Variants in PPAT observed in about 807,000 individuals in gnomAD.
The protein encoded by PPAT is phosphoribosyl pyrophosphate amidotransferase, also known as amidophosphoribosyltransferase.
Under a neutral mutation model 60.2 loss-of-function variants are expected in PPAT, and 20 were observed. The observed-to-expected ratio is 0.33, with a 90% CI of 0.23 to 0.48. PPAT has a LOEUF of 0.48. Among genes scored for constraint, PPAT ranks in the 20% least tolerant of loss-of-function variants. The pLI is 0.99. For missense variants in PPAT, 349 were observed against 629.6 expected (o/e 0.55, Z 4.77); for synonymous variants, 194 against 215.1 (o/e 0.90, Z 0.86).
chr4:56,430,971 A>C (rs1351804617), intron 1 of PPAT, among the ~76,000 whole-genome samples: 1 of 152,106 alleles, frequency 6.6e-6, no homozygotes, highest in Admixed American at 6.5e-5. Context: ...ATTCTGCTTC[A>C]GACTAATGCA....
At chr4:56,405,378 C>A (rs1194097883) in intron 3 of PPAT, among the ~76,000 whole-genome samples, 4 of 152,046 alleles carry the variant, frequency 2.6e-5, no homozygotes, top group Non-Finnish European at 5.9e-5. Context: ...CTCCTAAAAC[C>A]CTTAGAATTG....
intron 1 of PPAT, chr4:56,422,572 T>G (rs1034572564): frequency 6.6e-6 from 1 of 151,560 alleles, no homozygotes; most frequent in African/African-American, 2.4e-5. Flanking sequence ...CTGAACTGTG[T>G]TCCTCCCACC....
chr4:56,419,675 T>C, intron 1 of PPAT: 2 of 983,884 alleles, frequency 2.0e-6, no homozygotes, highest in Non-Finnish European at 2.4e-6. Context: ...CTGTAGCAAA[T>C]GAAGGAGGAA....
chr4:56,420,821 A>T (rs972606773), intron 1 of PPAT: 1 of 152,236 alleles, frequency 6.6e-6, no homozygotes, highest in African/African-American at 2.4e-5. Flanking sequence ...TATTTAAACC[A>T]AAGGATTGAG....
intron 1 of PPAT, among the ~76,000 whole-genome samples, chr4:56,431,803 A>T (rs1439480406): frequency 6.6e-6 from 1 of 152,196 alleles, no homozygotes; most frequent in African/African-American, 2.4e-5. Context: ...TTATTCTAAG[A>T]AGGGGTGTCT....
At position 56,402,115 on chromosome 4, in the gene PPAT, C is replaced by T; in HGVS notation, c.728G>A (p.Gly243Asp). The change falls in exon 6 of 11, where the codon GGT becomes GAT. Residue 243 changes from glycine (G) to aspartate (D), a missense_variant. By Grantham distance (94) the Gly-to-Asp change is moderately conservative (BLOSUM62 -1). Around this residue, in one of 5 missense-constraint regions of PPAT, gnomAD observed 167 missense variants for 328.6 expected, o/e 0.51. Transcript: ENST00000264220. The stretch of plus-strand genomic sequence containing the variant: ...CAAACAAGGTAAAACTTACCTTGCA[C>T]CAATAGATAAGAAGCTACAAGATTC... ...SSESCSFLSIGARYYREVLPG... is the reference protein window; with the variant it reads ...SSESCSFLSIDARYYREVLPG... The T allele has an allele frequency of 3.1e-6, 5 of 1,594,866 alleles. No homozygotes were observed. Among genetic ancestry groups the T allele is most frequent in the Non-Finnish European group, 4.3e-6 (5 of 1,165,784 alleles).
At chr4:56,410,342 T>C (rs1716384836) in intron 1 of PPAT, among the ~76,000 whole-genome samples, 1 of 152,232 alleles carries the variant, frequency 6.6e-6, no homozygotes, top group South Asian at 2.1e-4. Context: ...CCAGGCTTCT[T>C]TAATCACAAA....
In PPAT at chr4:56,428,751, T is replaced by C. The variant is rs527770632; in HGVS notation, c.128+6599A>G. 4.3e-4 allele frequency among the ~76,000 whole-genome samples: 66 copies of C among 152,300 alleles called. 1 individual carries two copies. Among genetic ancestry groups the C allele is most frequent in the African/African-American group, 1.6e-3 (65 of 41,564 alleles). ...ACCCTTAAAAATCATTAAAAATAGG[T>C]ACCTAATTTAAGCCAAGAGTTTCAA... is the stretch of plus-strand genomic sequence containing the variant. On this transcript the variant is annotated intron_variant, in intron 1 of 10. Coordinates refer to ENST00000264220, the MANE Select transcript of PPAT (RefSeq NM_002703.5).
Position 56,395,480 on chromosome 4 carries a change from T to C in PPAT, c.1426A>G (p.Lys476Glu), listed in dbSNP as rs147822472. 6.2e-7 allele frequency: 1 copy of C among 1,612,856 alleles called. No homozygotes were observed. Among genetic ancestry groups the C allele is most frequent in the Non-Finnish European group, 8.5e-7 (1 of 1,179,442 alleles). ...VSSVQEGIKF[K>E]KQKEKKHDIM... ...TCGTGCTTTTTCTCTTTCTGTTTTT[T>C]AAACTTTATCCCTTCTTGTACAGAT... Residue 476 changes from lysine (K) to glutamate (E), a missense_variant, in exon 11 of 11, where the codon AAA becomes GAA. Lys to Glu is a moderately conservative substitution (Grantham distance 56). Transcript: ENST00000264220.
At position 56,410,557 on chromosome 4, in the gene PPAT, T is replaced by C. The variant is rs75703220; in HGVS notation, c.129-2841A>G. ...GAAAGCACTGGACTGAGGAGGAGGT[T>C]AAAGCTTTGCTAAGTGTCTGGGCAG... On this transcript the variant is annotated intron_variant, in intron 1 of 10. Coordinates refer to ENST00000264220, the MANE Select transcript of PPAT (RefSeq NM_002703.5). 6.0e-3 allele frequency: 5,937 copies of C among 986,634 alleles called. 294 individuals are homozygous for C. The African/African-American group carries it at 0.095, about 16-fold the overall frequency. The allele number at this position is 986,634 out of a possible 1,614,324, so 61.1% of individuals were successfully genotyped here.
At chr4:56,410,917 A>G (rs1038755408) in intron 1 of PPAT, 15 of 978,116 alleles carry the variant, frequency 1.5e-5, no homozygotes, top group African/African-American at 3.5e-5. Context: ...AAAAAAAAAA[A>G]AAAAAAAAAA....
At chr4:56,397,298 C>T (rs997816692) in intron 9 of PPAT, among the ~76,000 whole-genome samples, 2 of 152,072 alleles carry the variant, frequency 1.3e-5, no homozygotes, top group Non-Finnish European at 2.9e-5. Flanking sequence ...TTTCCAGGTT[C>T]TTTGACTTTA....
chr4:56,409,403 A>AT (rs1280134938), intron 1 of PPAT, among the ~76,000 whole-genome samples: 1 of 152,142 alleles, frequency 6.6e-6, no homozygotes, highest in Non-Finnish European at 1.5e-5. Flanking sequence ...GTTGGTAACC[A>AT]TTTTTTATGC....
intron 3 of PPAT, among the ~76,000 whole-genome samples, chr4:56,405,344 A>G (rs562352190): frequency 6.6e-6 from 1 of 152,220 alleles, no homozygotes; most frequent in East Asian, 1.9e-4. Context: ...TGTTATTTTT[A>G]TCCTGGTCTT....
At chr4:56,424,967 T>A (rs1486757360) in intron 1 of PPAT, among the ~76,000 whole-genome samples, 2 of 152,212 alleles carry the variant, frequency 1.3e-5, no homozygotes, top group Non-Finnish European at 2.9e-5. Context: ...AAATATATCC[T>A]ATTAGAGGAG....
At chr4:56,435,278 G>A (rs1352658303) in intron 1 of PPAT, 72 bp downstream of exon 1, 4 of 1,598,214 alleles carry the variant, frequency 2.5e-6, no homozygotes. Context: ...GCGCTCATGA[G>A]AACGCCGACT....
At chr4:56,408,056 A>AT (rs1716292157) in intron 1 of PPAT, 1 of 201,790 alleles carries the variant, frequency 5.0e-6, no homozygotes, top group Admixed American at 5.4e-5. Context: ...TCCAAGTCAC[A>AT]TATGGTTACA....
Position 56,401,485 on chromosome 4 carries a change from G to T in PPAT, c.735-4C>A. On this transcript the variant is annotated splice_polypyrimidine_tract_variant and splice_region_variant and intron_variant, in intron 6 of 10. Coordinates refer to ENST00000264220, the MANE Select transcript of PPAT (RefSeq NM_002703.5). ...AGGCAAGACTTCACGGTAATATCTT[G>T]GGAAACAATGTTAAAGAAAGAAGAC... The T allele has an allele frequency of 6.3e-7, 1 of 1,583,174 alleles. No homozygotes were observed. The highest frequency in any genetic ancestry group is 8.6e-7 in the Non-Finnish European group (1 of 1,163,742).
rs1715976305 is a variant in PPAT, at chr4:56,396,754, A to G, written c.1237-15T>C. 1.2e-6 allele frequency: 2 copies of G among 1,604,032 alleles called. No homozygotes were observed. The highest frequency in any genetic ancestry group is 2.2e-5 in the East Asian group (1 of 44,722). ...CGAATGTGTACCTTGGAAAGAAATC[A>G]TTGCACACAAGGTTTTTAAGACTAT... On this transcript the variant is annotated splice_polypyrimidine_tract_variant and intron_variant, in intron 9 of 10. Coordinates refer to ENST00000264220, the MANE Select transcript of PPAT (RefSeq NM_002703.5). This position sits in a 1 kb window ranked among gnomAD's most constrained non-coding sequence, Gnocchi z 4.6.
Sources: allele counts gnomAD v4.1 joint callset (sites outside exome capture counted in the v4.1 genomes callset), GRCh38; gene constraint gnomAD v4.1.1; regional missense constraint gnomAD v4.1.1; non-coding constraint Gnocchi (gnomAD v3.1); transcripts MANE v1.5; gene names NCBI Gene and HGNC (gene_info 2026-07-23, HGNC 2026-07-21).